Variants in RECK observed in about 807,000 individuals in gnomAD.
The protein encoded by RECK is reversion inducing cysteine rich protein with kazal motifs.
Under a neutral mutation model 115.1 loss-of-function variants are expected in RECK, and 69 were observed. That is an observed-to-expected ratio of 0.60 (90% CI 0.49 to 0.73). The LOEUF is 0.73. Among genes scored for constraint, RECK ranks in the 30% least tolerant of loss-of-function variants. The pLI is 0.00. For synonymous variants in RECK, 414 were observed against 419.7 expected, an observed-to-expected ratio of 0.99 and a Z score of 0.17; for missense variants, 1,047 against 1,203.7, an observed-to-expected ratio of 0.87 and a Z score of 1.93.
Position 36,087,899 on chromosome 9 carries a change from C to G in RECK, c.843C>G (p.Pro281=), listed in dbSNP as rs1260696717. ...CTGGAGTCACTGTACACCCTCCTCC[C>G]TCTACAGGCCTCGATGGGGCTAAAT... is the stretch of plus-strand genomic sequence containing the variant. ...VHPGVTVHPP[P]STGLDGAKLH... Residue 281 remains proline (P), a synonymous_variant, in exon 9 of 21, where the codon CCC becomes CCG. Coordinates refer to ENST00000377966, the MANE Select transcript of RECK (RefSeq NM_021111.3). 6.2e-7 allele frequency: 1 copy of G among 1,613,256 alleles called. No individual in the cohort carries two copies. Among genetic ancestry groups the G allele is most frequent in the East Asian group, 2.2e-5 (1 of 44,870 alleles).
chr9:36,100,272 G>A, intron 10 of RECK, 59 bp from the exon 11 acceptor site: 1 of 1,423,738 alleles, frequency 7.0e-7, no homozygotes, highest in East Asian at 2.4e-5. Context: ...GATTTTACTT[G>A]TTGCTTCTCT....
intron 7 of RECK, among the ~76,000 whole-genome samples, chr9:36,082,482 T>C (rs1170932660): frequency 6.6e-6 from 1 of 151,936 alleles, no homozygotes; most frequent in Non-Finnish European, 1.5e-5. Flanking sequence ...CTTAACCTCT[T>C]CCTCCCATAC....
At chr9:36,049,931 G>A (rs1821220124) in intron 1 of RECK, among the ~76,000 whole-genome samples, 1 of 152,154 alleles carries the variant, frequency 6.6e-6, no homozygotes, top group South Asian at 2.1e-4. Flanking sequence ...TTACTTGATA[G>A]CAGTATCTAA....
intron 1 of RECK, among the ~76,000 whole-genome samples, chr9:36,048,623 G>A (rs1032487521): frequency 5.9e-5 from 9 of 151,790 alleles, no homozygotes; most frequent in African/African-American, 9.7e-5. Context: ...TTAATTTATC[G>A]GTGTCCTTGA....
chr9:36,065,333 A>G (rs1239416110), intron 5 of RECK, among the ~76,000 whole-genome samples: 1 of 151,980 alleles, frequency 6.6e-6, no homozygotes. Flanking sequence ...GTGAAATTAA[A>G]GCCATAAAAG....
At chr9:36,114,777 A>G (rs1824192594) in intron 16 of RECK, among the ~76,000 whole-genome samples, 1 of 152,032 alleles carries the variant, frequency 6.6e-6, no homozygotes. Flanking sequence ...CCCGGGAGAC[A>G]GAGGCTGCAG....
chr9:36,119,573 A>G lies in RECK; in HGVS notation c.2464+606A>G, dbSNP rs116638542. Among the ~76,000 whole-genome samples the G allele has an allele frequency of 3.7e-3, 565 of 152,336 alleles. 8 individuals carry two copies. The highest frequency in any genetic ancestry group is 0.013 in the African/African-American group (542 of 41,572). On this transcript the variant is annotated intron_variant, in intron 18 of 20. Transcript: ENST00000377966. ...ATTCCAAGTCTGCACAGAACAGGTT[A>G]ATCTGGATCTAACAGGTTCATTCCT...
At chr9:36,080,796 T>C (rs987742641) in intron 7 of RECK, among the ~76,000 whole-genome samples, 158 bp downstream of exon 7, 4 of 152,226 alleles carry the variant, frequency 2.6e-5, no homozygotes, top group African/African-American at 9.7e-5. Flanking sequence ...AGATCTACAA[T>C]GCAGATACTA....
intron 17 of RECK, among the ~76,000 whole-genome samples, chr9:36,118,475 G>T (rs1824346129): frequency 6.6e-6 from 1 of 152,128 alleles, no homozygotes; most frequent in Non-Finnish European, 1.5e-5. Context: ...AGAGGTAGCA[G>T]GAAAGAAGAT....
chr9:36,106,523 C>G (rs1823825694), intron 13 of RECK, among the ~76,000 whole-genome samples: 1 of 151,080 alleles, frequency 6.6e-6, no homozygotes, highest in African/African-American at 2.4e-5. Context: ...CAGGTGTGAG[C>G]CACTGCGCCC....
intron 14 of RECK, among the ~76,000 whole-genome samples, chr9:36,108,577 C>T (rs1210614221): frequency 2.0e-5 from 3 of 152,104 alleles, no homozygotes; most frequent in Non-Finnish European, 4.4e-5. Flanking sequence ...CTAGTTGACT[C>T]CAAATCCCTT....
At chr9:36,038,687 AATATTAGCT>A (rs1820759635) in intron 1 of RECK, among the ~76,000 whole-genome samples, 1 of 152,230 alleles carries the variant, frequency 6.6e-6, no homozygotes, top group African/African-American at 2.4e-5. Flanking sequence ...TAAGCAGTGA[AATATTAGCT>A]ATTAAGTATG....
chr9:36,108,611 G>A (rs1823911584), intron 14 of RECK, among the ~76,000 whole-genome samples: 1 of 151,984 alleles, frequency 6.6e-6, no homozygotes, highest in Non-Finnish European at 1.5e-5. Flanking sequence ...CAAGGACACA[G>A]GTAATCTTCC....
intron 1 of RECK, among the ~76,000 whole-genome samples, chr9:36,045,751 T>C (rs1821050594): frequency 6.6e-6 from 1 of 152,288 alleles, no homozygotes; most frequent in South Asian, 2.1e-4. Flanking sequence ...TGTATTTGTT[T>C]TTTTAAAGCT....
chr9:36,109,618 C>G (rs534811147), intron 14 of RECK, among the ~76,000 whole-genome samples: 1 of 152,294 alleles, frequency 6.6e-6, no homozygotes, highest in African/African-American at 2.4e-5. Flanking sequence ...CCGAGGCAGG[C>G]AGATGGCATG....
At chr9:36,106,746 G>T (rs1823836159) in intron 13 of RECK, among the ~76,000 whole-genome samples, 1 of 151,588 alleles carries the variant, frequency 6.6e-6, no homozygotes, top group Admixed American at 6.6e-5. Flanking sequence ...ATTTTCTTTG[G>T]CAAGAAAATA....
At position 36,048,261 on chromosome 9, in the gene RECK, T is replaced by C. The variant is rs373950313; in HGVS notation, c.101-4004T>C. Among the ~76,000 whole-genome samples the C allele has an allele frequency of 3.3e-5, 5 of 151,528 alleles. No homozygotes were observed. The East Asian group carries it at 7.8e-4, about 24-fold the overall frequency. On this transcript the variant is annotated intron_variant, in intron 1 of 20. Transcript: ENST00000377966. ...TGACTTGCCAATTCTAGACAGCTGC[T>C]GACAATGCCAACTCTATCCTCTTTT...
intron 10 of RECK, among the ~76,000 whole-genome samples, chr9:36,092,510 G>A (rs1470272598): frequency 6.6e-6 from 1 of 151,022 alleles, no homozygotes; most frequent in Non-Finnish European, 1.5e-5. Flanking sequence ...CAAGTAGCTG[G>A]GATTACAGGC....
At chr9:36,079,754 A>C (rs367760800) in intron 6 of RECK, among the ~76,000 whole-genome samples, 16 of 152,314 alleles carry the variant, frequency 1.1e-4, no homozygotes, top group African/African-American at 3.6e-4. Flanking sequence ...TCTTTTAGGA[A>C]GTAATTATCC....
Sources: allele counts gnomAD v4.1 joint callset (sites outside exome capture counted in the v4.1 genomes callset), GRCh38; gene constraint gnomAD v4.1.1; transcripts MANE v1.5; gene names NCBI Gene and HGNC (gene_info 2026-07-23, HGNC 2026-07-21).